USP3: variants seen among roughly 807,000 people sequenced by gnomAD.
USP3 encodes ubiquitin carboxyl-terminal hydrolase 3.
In USP3, 20 loss-of-function variants were observed where a neutral mutation model predicts 72.3. That is an observed-to-expected ratio of 0.28 (90% CI 0.19 to 0.40). The LOEUF is 0.40. USP3 is among the 10% of genes least tolerant of loss of function. The pLI is 1.00. For missense variants in USP3, 479 were observed against 633.9 expected (o/e 0.76, Z 2.62); for synonymous variants, 222 against 225.3 (o/e 0.99, Z 0.13).
rs2152657339 is a variant in USP3 at position 63,529,420 on chromosome 15, A to T, written c.92-3227A>T. Among the ~76,000 whole-genome samples, 1 of 152,288 alleles carries T rather than the reference A, an allele frequency of 6.6e-6. No individual in the cohort carries two copies. The highest frequency in any genetic ancestry group is 6.5e-5 in the Admixed American group (1 of 15,290). On this transcript the variant is annotated intron_variant, in intron 1 of 14. Coordinates refer to ENST00000380324, the MANE Select transcript of USP3 (RefSeq NM_006537.4). The surrounding 1 kb of genome is among the most constrained non-coding windows in gnomAD (Gnocchi z 4.2). ...CAAGTACCATCTCTATCTAGTTCCG[A>T]AACATTTTCATAACCCCAAAATAAA...
intron 1 of USP3, among the ~76,000 whole-genome samples, chr15:63,522,095 G>A (rs2065928016): frequency 6.6e-6 from 1 of 152,196 alleles, no homozygotes; most frequent in African/African-American, 2.4e-5. Flanking sequence ...AGGCTGATCT[G>A]GAACTCCTGG....
chr15:63,506,757 A>G (rs991574025), intron 1 of USP3, among the ~76,000 whole-genome samples: 14 of 152,240 alleles, frequency 9.2e-5, no homozygotes, highest in African/African-American at 3.1e-4. Context: ...TTCAAGGGGT[A>G]GGATGACATC....
chr15:63,544,484 C>G lies in USP3; in HGVS notation c.284+7328C>G. 2 of 537,234 alleles carry G rather than the reference C, an allele frequency of 3.7e-6. No homozygotes were observed. The allele number at this position is 537,234 out of a possible 1,614,324, so 33.3% of individuals were successfully genotyped here. A position where few individuals can be genotyped will look rare whatever the true frequency, so the allele number is the denominator to read the frequency against. On this transcript the variant is annotated intron_variant, in intron 3 of 14. Transcript: ENST00000380324. The surrounding 1 kb of genome is among the most constrained non-coding windows in gnomAD (Gnocchi z 4.2). ...TGACTTTAGTAGACTAGTGTTTTGT[C>G]TTTTAGAATTAGAGGGGGCAAGTAG...
At chr15:63,577,532 G>A (rs917009325) in intron 11 of USP3, among the ~76,000 whole-genome samples, 7 of 151,936 alleles carry the variant, frequency 4.6e-5, no homozygotes, top group African/African-American at 7.3e-5. Context: ...CAAGGCAGGC[G>A]GATCATGAGG....
intron 2 of USP3, among the ~76,000 whole-genome samples, 178 bp from the exon 3 acceptor site, chr15:63,536,847 C>A (rs1187508678): frequency 1.3e-5 from 2 of 151,336 alleles, no homozygotes; most frequent in African/African-American, 4.9e-5. Context: ...GAGCGAGACT[C>A]CGTCTCAAAA....
intron 3 of USP3, among the ~76,000 whole-genome samples, chr15:63,546,760 C>T (rs778349335): frequency 3.9e-5 from 6 of 152,160 alleles, no homozygotes; most frequent in Non-Finnish European, 8.8e-5. Flanking sequence ...CCACCATGCC[C>T]GGCTAATTTT....
In USP3 at chr15:63,544,591, A is replaced by G. The variant is rs2066293259; in HGVS notation, c.284+7435A>G. ...AAGTAAACCTACATTAAATTTTAGG[A>G]CAAGAAAACGATTGAGCCATGCTGT... On this transcript the variant is annotated intron_variant, in intron 3 of 14. Transcript: ENST00000380324. The surrounding 1 kb of genome is among the most constrained non-coding windows in gnomAD (Gnocchi z 4.2). 3.2e-6 allele frequency: 2 copies of G among 631,012 alleles called. No individual in the cohort carries two copies. The highest frequency in any genetic ancestry group is 1.8e-5 in the South Asian group (1 of 55,224). 39.1% of individuals were successfully genotyped at this position (631,012 alleles called of 1,614,324 possible). A position where few individuals can be genotyped will look rare whatever the true frequency, so the allele number is the denominator to read the frequency against.
In USP3 at chr15:63,574,386, C is replaced by G; in HGVS notation, c.1079C>G (p.Pro360Arg). 1 of 1,603,812 alleles carries G rather than the reference C, an allele frequency of 6.2e-7. No individual in the cohort carries two copies. The highest frequency in any genetic ancestry group is 1.1e-5 in the South Asian group (1 of 88,598). The change falls in exon 11 of 15, where the codon CCA (proline) becomes CGA (arginine). Residue 360 changes from proline (P) to arginine (R), a missense_variant. Coordinates refer to ENST00000380324, the MANE Select transcript of USP3 (RefSeq NM_006537.4). This position sits in a 1 kb window ranked among gnomAD's most constrained non-coding sequence, Gnocchi z 4.6. ...SKRSKNQENG[P>R]VCSLRDCLRS... is the part of the protein sequence containing the mutation. ...CGCTCTAAGAATCAAGAAAATGGAC[C>G]AGTTTGTTCGTTACGAGGTAAAGAT...
intron 1 of USP3, among the ~76,000 whole-genome samples, chr15:63,525,538 C>G (rs2065970611): frequency 6.6e-6 from 1 of 152,208 alleles, no homozygotes; most frequent in South Asian, 2.1e-4. Context: ...TTGATTCCTT[C>G]TTTTCTGGAT....
In USP3 at chr15:63,544,833, A is replaced by G. The variant is rs919750749; in HGVS notation, c.284+7677A>G. 1.5e-5 allele frequency: 10 copies of G among 669,692 alleles called. No homozygotes were observed. Among genetic ancestry groups the G allele is most frequent in the South Asian group, 1.4e-4 (9 of 62,482 alleles). 41.5% of individuals were successfully genotyped at this position (669,692 alleles called of 1,614,324 possible). A position where few individuals can be genotyped will look rare whatever the true frequency, so the allele number is the denominator to read the frequency against. ...GGGAGGGAAGGGGTAGGAGATAAGA[A>G]TATCTAAGCAAGGCTGACATTGTGG... On this transcript the variant is annotated intron_variant, in intron 3 of 14. Transcript: ENST00000380324. This position sits in a 1 kb window ranked among gnomAD's most constrained non-coding sequence, Gnocchi z 4.2.
At chr15:63,537,725 G>T (rs559261182) in intron 3 of USP3, among the ~76,000 whole-genome samples, 8 of 152,174 alleles carry the variant, frequency 5.3e-5, no homozygotes, top group African/African-American at 1.9e-4. Context: ...CGCTCTTGCT[G>T]CCCAGGCTGG....
intron 1 of USP3, among the ~76,000 whole-genome samples, chr15:63,520,241 A>G (rs757771163): frequency 8.5e-5 from 13 of 152,328 alleles, no homozygotes; most frequent in South Asian, 4.1e-4. Context: ...CCACAAGCCT[A>G]GTCTTGCCCC....
chr15:63,591,270 C>T lies in USP3; in HGVS notation c.*444C>T, dbSNP rs1248544605. On this transcript the variant is annotated 3_prime_UTR_variant, in exon 15 of 15. Transcript: ENST00000380324. ...ATCAGGTTGACTCTAAATCAAGGATCATGTGTGCACAATACTTGTGGCCCA... is the reference window on the plus strand; with the variant it reads ...ATCAGGTTGACTCTAAATCAAGGATTATGTGTGCACAATACTTGTGGCCCA... 1 of 157,032 alleles carries T rather than the reference C, an allele frequency of 6.4e-6. No individual in the cohort carries two copies. The highest frequency in any genetic ancestry group is 1.9e-4 in the East Asian group (1 of 5,308). 9.7% of individuals were successfully genotyped at this position (157,032 alleles called of 1,614,324 possible). A position where few individuals can be genotyped will look rare whatever the true frequency, so the allele number is the denominator to read the frequency against.
intron 3 of USP3, among the ~76,000 whole-genome samples, chr15:63,540,984 G>A (rs1047623623): frequency 1.3e-5 from 2 of 152,156 alleles, no homozygotes; most frequent in Non-Finnish European, 2.9e-5. Flanking sequence ...TATTGTGATT[G>A]AGAAGAAACA....
At position 63,593,370 on chromosome 15, in the gene USP3, G is replaced by A. The variant is rs74018138; in HGVS notation, c.*2544G>A. 2 of 152,296 alleles carry A rather than the reference G, an allele frequency of 1.3e-5. No individual in the cohort carries two copies. Among genetic ancestry groups the A allele is most frequent in the South Asian group, 2.1e-4 (1 of 4,832 alleles). 9.4% of individuals were successfully genotyped at this position (152,296 alleles called of 1,614,324 possible). A position where few individuals can be genotyped will look rare whatever the true frequency, so the allele number is the denominator to read the frequency against. On this transcript the variant is annotated 3_prime_UTR_variant, in exon 15 of 15. Coordinates refer to ENST00000380324, the MANE Select transcript of USP3 (RefSeq NM_006537.4). ...GAATCCGGGCTCTTTTGCTTAGAAG[G>A]TAGACAGCTGTAACCTCTAACATTG...
chr15:63,578,604 T>C lies in USP3; in HGVS notation c.1096+4201T>C, dbSNP rs1595767850. 2.3e-5 allele frequency among the ~76,000 whole-genome samples: 3 copies of C among 129,518 alleles called. No homozygotes were observed. The South Asian group carries it at 7.1e-4, about 31-fold the overall frequency. 85.0% of individuals were successfully genotyped at this position (129,518 alleles called of 152,430 possible). ...TCTAGCCTGGGCGACAGAGCAAGACTCCGTCTCAGAAAAAAAAAAAAAAAG... is the reference window on the plus strand; with the variant it reads ...TCTAGCCTGGGCGACAGAGCAAGACCCCGTCTCAGAAAAAAAAAAAAAAAG... On this transcript the variant is annotated intron_variant, in intron 11 of 14. Transcript: ENST00000380324.
At position 63,584,240 on chromosome 15, in the gene USP3, G is replaced by T. The variant is rs1245290259; in HGVS notation, c.1097-4065G>T. Among the ~76,000 whole-genome samples the T allele has an allele frequency of 4.6e-5, 7 of 151,990 alleles. No homozygotes were observed. The Middle Eastern group carries it at 0.014, about 295-fold the overall frequency. On this transcript the variant is annotated intron_variant, in intron 11 of 14. Coordinates refer to ENST00000380324, the MANE Select transcript of USP3 (RefSeq NM_006537.4). ...AGCCTCCCTAGTAGCTGGGACTACA[G>T]GCACCCGCCACCATGCCCGGCTAAT...
In USP3 at chr15:63,590,960, G is replaced by T; in HGVS notation, c.*134G>T. The stretch of plus-strand genomic sequence containing the variant: ...TTTGGATTTAGTTTTGTCAATGGTA[G>T]TGACTTACTGAACATGGGCACCAAC... On this transcript the variant is annotated 3_prime_UTR_variant, in exon 15 of 15. Transcript: ENST00000380324. The T allele has an allele frequency of 1.8e-6, 2 of 1,137,996 alleles. No homozygotes were observed. Among genetic ancestry groups the T allele is most frequent in the Non-Finnish European group, 2.3e-6 (2 of 856,694 alleles). 70.5% of individuals were successfully genotyped at this position (1,137,996 alleles called of 1,614,324 possible).
intron 2 of USP3, among the ~76,000 whole-genome samples, chr15:63,533,495 G>A (rs2152659559): frequency 6.6e-6 from 1 of 152,156 alleles, no homozygotes; most frequent in Middle Eastern, 3.4e-3. Context: ...TATTTCCACT[G>A]CTCTTCTAGC....
Sources: allele counts gnomAD v4.1 joint callset (sites outside exome capture counted in the v4.1 genomes callset), GRCh38; gene constraint gnomAD v4.1.1; non-coding constraint Gnocchi (gnomAD v3.1); transcripts MANE v1.5; gene names NCBI Gene and HGNC (gene_info 2026-07-23, HGNC 2026-07-21).